FAT4: variants seen among roughly 807,000 people sequenced by gnomAD.
The protein encoded by FAT4 is FAT atypical cadherin 4, also known as protocadherin Fat 4.
FAT4 carries 84 observed loss-of-function variants against 303.9 expected under a neutral mutation model. That is an observed-to-expected ratio of 0.28 (90% CI 0.23 to 0.33). The LOEUF is 0.33. FAT4 is among the 10% of genes least tolerant of loss of function. The pLI, the probability that FAT4 is intolerant of heterozygous loss-of-function variation, is 1.00. For missense variants in FAT4, 6,005 were observed against 6,146.8 expected (o/e 0.98, Z 0.77); for synonymous variants, 2,307 against 2,298.8 (o/e 1.00, Z -0.10).
rs1730724185 is a variant in FAT4 at position 125,318,116 on chromosome 4, G to T, written c.1705G>T (p.Val569Leu). The change falls in exon 2 of 18, where the codon GTA (valine) becomes TTA (leucine). Residue 569 changes from valine (V) to leucine (L), a missense_variant. Transcript: ENST00000394329. ...CCCCAAGGTGTCCTATGCCCAGCTT[G>T]TAGTAACTCTCCTAGATGTGAATGA... ...VHPKVSYAQL[V>L]VTLLDVNDEK... 1.2e-6 allele frequency: 2 copies of T among 1,614,022 alleles called. No homozygotes were observed. Among genetic ancestry groups the T allele is most frequent in the Non-Finnish European group, 8.5e-7 (1 of 1,180,040 alleles).
chr4:125,450,178 C>G lies in FAT4; in HGVS notation c.9168C>G (p.Asn3056Lys). 1 of 1,613,756 alleles carries G rather than the reference C, an allele frequency of 6.2e-7. No individual in the cohort carries two copies. Among genetic ancestry groups the G allele is most frequent in the Non-Finnish European group, 8.5e-7 (1 of 1,179,968 alleles). The change falls in exon 10 of 18, where the codon AAC becomes AAG. Residue 3056 changes from asparagine (N) to lysine (K), a missense_variant. Coordinates refer to ENST00000394329, the MANE Select transcript of FAT4 (RefSeq NM_001291303.3). ...ASSLISDLNQ[N>K]FFITVTAKDK... ...CCCTGATTTCTGACTTGAACCAAAA[C>G]TTTTTTATCACAGTCACTGCAAAGG...
In FAT4 at chr4:125,318,317, C is replaced by T. The variant is rs1730739723; in HGVS notation, c.1906C>T (p.Pro636Ser). The change falls in exon 2 of 18, where the codon CCT becomes TCT. Residue 636 changes from proline to serine, a missense_variant. By Grantham distance (74) the Pro-to-Ser change is moderately conservative. Coordinates refer to ENST00000394329, the MANE Select transcript of FAT4 (RefSeq NM_001291303.3). ...TGACCGGAGGTCCTTCCGTCTGGAT[C>T]CTGTGTCTGGGAGGTTGAGTACTAT... ...ETDRRSFRLDPVSGRLSTISS... is the reference protein window; with the variant it reads ...ETDRRSFRLDSVSGRLSTISS... 3 of 1,614,180 alleles carry T rather than the reference C, an allele frequency of 1.9e-6. No homozygotes were observed. In the East Asian group the frequency reaches 6.7e-5, roughly 36 times the overall value.
At chr4:125,344,706 G>T (rs1282937485) in intron 2 of FAT4, among the ~76,000 whole-genome samples, 1 of 151,956 alleles carries the variant, frequency 6.6e-6, no homozygotes, top group Non-Finnish European at 1.5e-5. Flanking sequence ...AAAATCTTTG[G>T]TTGCCTTCCA....
chr4:125,413,762 AAAGAGT>A (rs1178979178), intron 5 of FAT4, among the ~76,000 whole-genome samples: 3 of 151,994 alleles, frequency 2.0e-5, no homozygotes, highest in African/African-American at 7.2e-5. Context: ...TTTTTAAAGA[AAAGAGT>A]AAAAGGGTGA....
intron 8 of FAT4, among the ~76,000 whole-genome samples, chr4:125,440,581 T>TTGTGTGTGTGTG (rs768799104): frequency 7.6e-5 from 9 of 117,682 alleles, no homozygotes; most frequent in Admixed American, 3.0e-4. Context: ...TTCTCAGTAC[T>TTGTGTGTGTGTG]TGTGTGTGTG....
intron 7 of FAT4, 31 bp from the exon 8 acceptor site, chr4:125,434,214 A>G (rs1310483674): frequency 1.3e-6 from 2 of 1,587,222 alleles, no homozygotes; most frequent in South Asian, 1.1e-5. Flanking sequence ...TTGTTTATAA[A>G]CATTGAGACT....
At chr4:125,325,831 C>A (rs1421283656) in intron 2 of FAT4, among the ~76,000 whole-genome samples, 2 of 152,186 alleles carry the variant, frequency 1.3e-5, no homozygotes, top group Non-Finnish European at 2.9e-5. Flanking sequence ...TACTTTGGAT[C>A]TACTGCTTTG....
intron 2 of FAT4, among the ~76,000 whole-genome samples, chr4:125,372,644 G>T (rs1345883206): frequency 6.6e-6 from 1 of 152,072 alleles, no homozygotes; most frequent in Non-Finnish European, 1.5e-5. Flanking sequence ...TACATACGTG[G>T]CACAATGATT....
intron 5 of FAT4, among the ~76,000 whole-genome samples, chr4:125,410,608 T>A (rs1056814240): frequency 2.0e-5 from 3 of 152,136 alleles, no homozygotes; most frequent in Admixed American, 6.6e-5. Context: ...TTTGATTTAT[T>A]AGTTATGTAT....
At chr4:125,418,199 G>A (rs769890874) in intron 7 of FAT4, among the ~76,000 whole-genome samples, 2 of 152,090 alleles carry the variant, frequency 1.3e-5, no homozygotes, top group Non-Finnish European at 2.9e-5. Flanking sequence ...CTAAGGGCCT[G>A]GAAAATATCA....
chr4:125,359,129 G>C (rs1458237478), intron 2 of FAT4, among the ~76,000 whole-genome samples: 1 of 152,212 alleles, frequency 6.6e-6, no homozygotes, highest in African/African-American at 2.4e-5. Flanking sequence ...CCAGGTTCTA[G>C]TCTGGCACAT....
In FAT4 at chr4:125,316,440, G is replaced by A. The variant is rs1339394086; in HGVS notation, c.29G>A (p.Gly10Asp). 6.2e-7 allele frequency: 1 copy of A among 1,612,908 alleles called. No individual in the cohort carries two copies. The change falls in exon 2 of 18, where the codon GGC (glycine) becomes GAC (aspartate). Residue 10 changes from glycine to aspartate, a missense_variant. Physicochemically the swap from Gly to Asp is moderately conservative, Grantham distance 94. Coordinates refer to ENST00000394329, the MANE Select transcript of FAT4 (RefSeq NM_001291303.3). This position sits in a 1 kb window ranked among gnomAD's most constrained non-coding sequence, Gnocchi z 5.7. MDLAPDRAT[G>D]RPWLPLHTLS... Reference sequence around the variant, plus strand: ...GACTTAGCACCAGACAGGGCTACTGGCCGCCCGTGGCTCCCGTTGCACACT... The same window carrying A: ...GACTTAGCACCAGACAGGGCTACTGACCGCCCGTGGCTCCCGTTGCACACT...
chr4:125,344,722 A>G (rs1286830380), intron 2 of FAT4, among the ~76,000 whole-genome samples: 1 of 152,050 alleles, frequency 6.6e-6, no homozygotes, highest in Non-Finnish European at 1.5e-5. Context: ...TTCCAGGTAG[A>G]GTTAGTCTCT....
chr4:125,387,228 G>A (rs542954332), intron 2 of FAT4, among the ~76,000 whole-genome samples: 1 of 152,300 alleles, frequency 6.6e-6, no homozygotes, highest in African/African-American at 2.4e-5. Context: ...ATAGCTATGA[G>A]TCAAAGGTTT....
chr4:125,317,094 C>T lies in FAT4; in HGVS notation c.683C>T (p.Pro228Leu). ...GTTGAGGTGGAGGACAAGGGTGAGC[C>T]TAAGCGGCGGGGCTACCTTCAGGTA... ...LLVEVEDKGE[P>L]KRRGYLQVNV... is the part of the protein sequence containing the mutation. Residue 228 changes from proline to leucine, a missense_variant, in exon 2 of 18, where the codon CCT (proline) becomes CTT (leucine). Pro to Leu is a moderately conservative substitution (Grantham distance 98). Transcript: ENST00000394329. The surrounding 1 kb of genome is among the most constrained non-coding windows in gnomAD (Gnocchi z 7.0). The T allele has an allele frequency of 6.2e-7, 1 of 1,613,952 alleles. No homozygotes were observed. The highest frequency in any genetic ancestry group is 8.5e-7 in the Non-Finnish European group (1 of 1,180,026).
At position 125,479,631 on chromosome 4, in the gene FAT4, A is replaced by G. The variant is rs1320860303; in HGVS notation, c.12480-110A>G. 3 of 1,087,946 alleles carry G rather than the reference A, an allele frequency of 2.8e-6. No individual in the cohort carries two copies. The East Asian group carries it at 8.3e-5, about 30-fold the overall frequency. The allele number at this position is 1,087,946 out of a possible 1,614,324, so 67.4% of individuals were successfully genotyped here. On this transcript the variant is annotated intron_variant, in intron 14 of 17. Transcript: ENST00000394329. ...AAATGTAGTTGTAACTTGAGCTTCA[A>G]ATAATGGAGTGCTTGAAATTAAACA...
chr4:125,316,858 C>T lies in FAT4; in HGVS notation c.447C>T (p.Ser149=). The part of the protein sequence containing the change: ...SIVVTFKEDS[S]SGRQVILDTA... ...TGGTCACTTTCAAGGAAGACAGTAG[C>T]AGCGGACGCCAAGTCATCTTAGACA... Residue 149 remains serine, a synonymous_variant, in exon 2 of 18, where the codon AGC becomes AGT. Coordinates refer to ENST00000394329, the MANE Select transcript of FAT4 (RefSeq NM_001291303.3). The surrounding 1 kb of genome is among the most constrained non-coding windows in gnomAD (Gnocchi z 5.7). The T allele has an allele frequency of 6.2e-7, 1 of 1,614,074 alleles. No homozygotes were observed. Among genetic ancestry groups the T allele is most frequent in the Non-Finnish European group, 8.5e-7 (1 of 1,180,028 alleles).
rs530759297 is a variant in FAT4, at chr4:125,318,597, C to A, written c.2186C>A (p.Ser729Tyr). The change falls in exon 2 of 18, where the codon TCT becomes TAT. Residue 729 changes from serine (S) to tyrosine (Y), a missense_variant. By Grantham distance (144) the Ser-to-Tyr change is moderately radical. Transcript: ENST00000394329. ...AATGGTACTGTCAAATATAGCATAT[C>A]TGCTGGGGACAGGTCTCGGTTTCAG... ...GTNGTVKYSI[S>Y]AGDRSRFQVN... 3.3e-5 allele frequency: 54 copies of A among 1,614,014 alleles called. No homozygotes were observed. The highest frequency in any genetic ancestry group is 4.4e-5 in the Non-Finnish European group (52 of 1,180,026).
At position 125,327,370 on chromosome 4, in the gene FAT4, T is replaced by C. The variant is rs533151515; in HGVS notation, c.5175+5784T>C. On this transcript the variant is annotated intron_variant, in intron 2 of 17. Coordinates refer to ENST00000394329, the MANE Select transcript of FAT4 (RefSeq NM_001291303.3). ...TAAATCATCTTCTTTGGAATAATGA[T>C]GGGGTTGGAGTGGATGGAGTGTGAA... 3.7e-3 allele frequency among the ~76,000 whole-genome samples: 556 copies of C among 152,276 alleles called. 8 individuals carry two copies. Among genetic ancestry groups the C allele is most frequent in the African/African-American group, 0.012 (519 of 41,554 alleles).
Sources: allele counts gnomAD v4.1 joint callset (sites outside exome capture counted in the v4.1 genomes callset), GRCh38; gene constraint gnomAD v4.1.1; non-coding constraint Gnocchi (gnomAD v3.1); transcripts MANE v1.5; gene names NCBI Gene and HGNC (gene_info 2026-07-23, HGNC 2026-07-21).